Variants in DNAH5 observed in about 807,000 individuals in gnomAD.
DNAH5 encodes the protein dynein axonemal heavy chain 5.
A neutral mutation model predicts 518.2 loss-of-function variants in DNAH5; 372 were observed. The ratio of observed to expected loss-of-function variants is 0.72; its 90% confidence interval spans 0.66 to 0.78. The LOEUF is 0.78. Ranked by LOEUF, DNAH5 falls within the 30% of genes least tolerant of loss-of-function variation. The pLI is 0.00. For synonymous variants in DNAH5, 2,039 were observed against 2,025.9 expected, an observed-to-expected ratio of 1.01 and a Z score of -0.17; for missense variants, 5,523 against 5,687.0, an observed-to-expected ratio of 0.97 and a Z score of 0.93.
At chr5:13,733,991 A>C (rs979078630) in intron 68 of DNAH5, among the ~76,000 whole-genome samples, 8 of 151,960 alleles carry the variant, frequency 5.3e-5, no homozygotes, top group Non-Finnish European at 8.8e-5. Context: ...GTGTTATGGG[A>C]TGAATATTGT....
intron 3 of DNAH5, 88 bp from the exon 4 acceptor site, chr5:13,923,528 T>C: frequency 1.4e-6 from 2 of 1,470,252 alleles, no homozygotes; most frequent in South Asian, 2.3e-5. Context: ...GTTAAAATAT[T>C]GCCATTGTTG....
rs1776301536 is a variant in DNAH5 at position 13,913,724 on chromosome 5, TAGCTTTAA to T, written c.1536+11_1536+18del. On this transcript the variant is annotated intron_variant, in intron 11 of 78. Coordinates refer to ENST00000265104, the MANE Select transcript of DNAH5 (RefSeq NM_001369.3). Reference sequence around the variant, plus strand: ...TAGTTGTGGATTATGTTATAAAATATAGCTTTAAAGTACAATACCTGGTATTTAGTGGC... The same window carrying T: ...TAGTTGTGGATTATGTTATAAAATATAGTACAATACCTGGTATTTAGTGGC... The T allele has an allele frequency of 6.2e-7, 1 of 1,612,634 alleles. No individual in the cohort carries two copies. The highest frequency in any genetic ancestry group is 1.1e-5 in the South Asian group (1 of 90,944).
At chr5:13,804,722 TA>T (rs1200672399) in intron 47 of DNAH5, among the ~76,000 whole-genome samples, 1 of 152,248 alleles carries the variant, frequency 6.6e-6, no homozygotes, top group Non-Finnish European at 1.5e-5. Flanking sequence ...GGAATCTGGC[TA>T]AAGCCATGTG....
intron 38 of DNAH5, among the ~76,000 whole-genome samples, chr5:13,825,343 C>CA (rs977321278): frequency 7.9e-6 from 1 of 127,388 alleles, no homozygotes; most frequent in Admixed American, 7.8e-5. Flanking sequence ...CTCTGTCTTG[C>CA]AAAAAATAAA....
At chr5:13,999,798 G>A (rs771256189) in intron 1 of DNAH5, among the ~76,000 whole-genome samples, 2 of 152,188 alleles carry the variant, frequency 1.3e-5, no homozygotes, top group African/African-American at 4.8e-5. Context: ...GCAGCATTCT[G>A]CATTTCTACC....
At chr5:13,910,234 C>T (rs1422787654) in intron 12 of DNAH5, among the ~76,000 whole-genome samples, 3 of 152,228 alleles carry the variant, frequency 2.0e-5, no homozygotes, top group African/African-American at 7.2e-5. Flanking sequence ...TTCACCCCAA[C>T]TCCACCCCTT....
intron 1 of DNAH5, among the ~76,000 whole-genome samples, chr5:13,936,927 C>A (rs944624723): frequency 2.0e-5 from 3 of 152,092 alleles, no homozygotes; most frequent in Non-Finnish European, 4.4e-5. Context: ...TTTTCCCAGA[C>A]CCTCCTGAAG....
chr5:13,716,755 G>A, intron 73 of DNAH5, 65 bp from the exon 74 acceptor site: 1 of 1,095,728 alleles, frequency 9.1e-7, no homozygotes, highest in Non-Finnish European at 1.4e-6. Flanking sequence ...TCCCTGCCAA[G>A]TCACACCCAT....
chr5:13,810,368 C>G (rs1192533044), intron 44 of DNAH5, 108 bp from the exon 45 acceptor site: 3 of 946,442 alleles, frequency 3.2e-6, no homozygotes, highest in Non-Finnish European at 5.0e-6. Context: ...TAGTTGCCCT[C>G]CAAGAACAAG....
intron 1 of DNAH5, among the ~76,000 whole-genome samples, chr5:13,982,436 A>C (rs1413802618): frequency 6.0e-5 from 9 of 151,164 alleles, no homozygotes; most frequent in Non-Finnish European, 1.0e-4. Context: ...AGACATATGC[A>C]CTATTGCATG....
upstream of DNAH5, among the ~76,000 whole-genome samples, chr5:13,948,931 T>C (rs1230767742): frequency 6.6e-6 from 1 of 152,210 alleles, no homozygotes; most frequent in Admixed American, 6.5e-5. Flanking sequence ...TCTCCTTGTC[T>C]CTGTCCAATA....
At chr5:13,887,465 G>T (rs1462316338) in intron 17 of DNAH5, among the ~76,000 whole-genome samples, 2 of 152,128 alleles carry the variant, frequency 1.3e-5, no homozygotes, top group African/African-American at 4.8e-5. Flanking sequence ...AATGAAAGAT[G>T]CTGCCTCCAC....
chr5:13,692,016 G>A lies in DNAH5; in HGVS notation c.13843C>T (p.Arg4615Cys), dbSNP rs771613197. Reference sequence around the variant, plus strand: ...ACATCACACAGAAGGGCAACCCCACGGAGCACCCAGTGTTCAGGGGTCTGG... The same window carrying A: ...ACATCACACAGAAGGGCAACCCCACAGAGCACCCAGTGTTCAGGGGTCTGG... The part of the protein sequence containing the change: ...TAQTPEHWVL[R>C]GVALLCDVK Residue 4615 changes from arginine to cysteine, a missense_variant, in exon 79 of 79, where the codon CGT (arginine) becomes TGT (cysteine). Transcript: ENST00000265104. 38 of 1,613,984 alleles carry A rather than the reference G, an allele frequency of 2.4e-5. No homozygotes were observed. The highest frequency in any genetic ancestry group is 5.0e-5 in the Admixed American group (3 of 59,994).
intron 1 of DNAH5, among the ~76,000 whole-genome samples, chr5:14,004,292 G>C (rs2152086098): frequency 6.6e-6 from 1 of 152,318 alleles, no homozygotes; most frequent in Admixed American, 6.5e-5. Context: ...AGCAAAGGGA[G>C]AGATCAGTTA....
At position 13,794,005 on chromosome 5, in the gene DNAH5, A is replaced by G; in HGVS notation, c.7941T>C (p.Pro2647=). ...TAAAAACAGTCATCTTCTTTCCCGC[A>G]GGAGGGCCATATGTTGTACCCATTC... ...DKRMGTTYGP[P]AGKKMTVFID... The change falls in exon 48 of 79, where the codon CCT becomes CCC. Residue 2647 remains proline, a synonymous_variant. Coordinates refer to ENST00000265104, the MANE Select transcript of DNAH5 (RefSeq NM_001369.3). 1 of 1,614,152 alleles carries G rather than the reference A, an allele frequency of 6.2e-7. No individual in the cohort carries two copies. The highest frequency in any genetic ancestry group is 8.5e-7 in the Non-Finnish European group (1 of 1,180,002).
chr5:13,888,619 C>T (rs1192333486), intron 17 of DNAH5, among the ~76,000 whole-genome samples: 2 of 152,140 alleles, frequency 1.3e-5, no homozygotes. Flanking sequence ...AATTGGGTTC[C>T]ACGATTTTGC....
intron 56 of DNAH5, among the ~76,000 whole-genome samples, chr5:13,770,077 C>T (rs895897430): frequency 6.6e-6 from 1 of 152,172 alleles, no homozygotes; most frequent in African/African-American, 2.4e-5. Context: ...GAACTAGCTG[C>T]CTGCCTGAAC....
chr5:13,861,884 C>G (rs1768468464), intron 29 of DNAH5, among the ~76,000 whole-genome samples: 2 of 131,344 alleles, frequency 1.5e-5, no homozygotes, highest in South Asian at 2.6e-4. Flanking sequence ...GCCAGGGAGG[C>G]TGAGGTTTCA....
chr5:13,791,874 C>T, intron 50 of DNAH5, 120 bp downstream of exon 50: 2 of 801,468 alleles, frequency 2.5e-6, no homozygotes, highest in Non-Finnish European at 4.1e-6. Flanking sequence ...GTAAAGAATA[C>T]CCATGCTGAA....
Sources: gnomAD v4.1 joint callset for allele counts (sites outside exome capture counted in the v4.1 genomes callset) on GRCh38, gnomAD v4.1.1 for gene constraint, MANE v1.5 for transcripts, NCBI Gene and HGNC (gene_info 2026-07-23, HGNC 2026-07-21) for gene names.